Variants in TNRC6B observed in about 807,000 individuals in gnomAD.
The protein encoded by TNRC6B is trinucleotide repeat containing adaptor 6B, also known as trinucleotide repeat-containing gene 6B protein.
A neutral mutation model predicts 203.6 loss-of-function variants in TNRC6B; 52 were observed. The ratio of observed to expected loss-of-function variants is 0.26; its 90% CI spans 0.20 to 0.32. The LOEUF (loss-of-function observed/expected upper bound fraction) is 0.32, where lower values mean the gene tolerates loss of function less well. Ranked by LOEUF, TNRC6B falls within the 10% of genes least tolerant of loss-of-function variation. The probability of loss-of-function intolerance (pLI) is 1.00; values close to 1 mark genes in which losing one functional copy is unlikely to be tolerated. For missense variants in TNRC6B, 1,923 were observed against 2,286.2 expected, an observed-to-expected ratio of 0.84 and a Z score of 3.24; for synonymous variants, 838 against 845.7, an observed-to-expected ratio of 0.99 and a Z score of 0.16.
chr22:40,124,551 A>G, intron 2 of TNRC6B, among the ~76,000 whole-genome samples: 1 of 152,054 alleles, frequency 6.6e-6, no homozygotes, highest in East Asian at 1.9e-4. Flanking sequence ...GCGTTAGCTC[A>G]AGCCATCCAC....
chr22:40,264,855 G>C lies in TNRC6B; in HGVS notation c.625G>C (p.Glu209Gln), dbSNP rs759343883. ...GCCTTGTATTGCCAGCAAAGACACT[G>C]AATCTTCTTCCGAAAACACCACCGA... The part of the protein sequence containing the change: ...EWPCIASKDT[E>Q]SSSENTTDNN... The change falls in exon 5 of 23, where the codon GAA becomes CAA. Residue 209 changes from glutamate (E) to glutamine (Q), a missense_variant. Physicochemically the swap from Glu to Gln is conservative, Grantham distance 29. Around this residue, in one of 8 missense-constraint regions of TNRC6B, gnomAD observed 614 missense variants for 587.7 expected, o/e 1.04. Transcript: ENST00000454349. The C allele has an allele frequency of 1.2e-6, 2 of 1,613,900 alleles. No individual in the cohort carries two copies. The highest frequency in any genetic ancestry group is 8.5e-7 in the Non-Finnish European group (1 of 1,179,880).
chr22:40,186,465 C>T (rs2069204494), intron 1 of TNRC6B, among the ~76,000 whole-genome samples: 1 of 151,850 alleles, frequency 6.6e-6, no homozygotes, highest in Admixed American at 6.6e-5. Flanking sequence ...ACAGTCCAGG[C>T]ACGGTGGCTC....
intron 1 of TNRC6B, among the ~76,000 whole-genome samples, chr22:40,115,150 G>C (rs899233429): frequency 6.6e-6 from 1 of 152,128 alleles, no homozygotes; most frequent in African/African-American, 2.4e-5. Flanking sequence ...AAGCAGGCTA[G>C]GGACTGAGTG....
At chr22:40,045,020 C>T (rs1003346928) in intron 1 of TNRC6B, 1 of 148,906 alleles carries the variant, frequency 6.7e-6, no homozygotes, top group Non-Finnish European at 1.5e-5. Context: ...GCGGCGGCCG[C>T]GCCGTCCTTC....
At chr22:40,147,596 C>A (rs946500554) in intron 3 of TNRC6B, among the ~76,000 whole-genome samples, 1 of 152,268 alleles carries the variant, frequency 6.6e-6, no homozygotes, top group East Asian at 1.9e-4. Flanking sequence ...GGGCAAAAAG[C>A]GACAGTGCGT....
exon 3 of TNRC6B, chr22:40,125,795 A>C: frequency 6.2e-6 from 10 of 1,606,754 alleles, no homozygotes; most frequent in Non-Finnish European, 7.6e-6. Flanking sequence ...GTTTCTGCAG[A>C]GTTTTGCACA....
intron 3 of TNRC6B, among the ~76,000 whole-genome samples, chr22:40,142,534 T>C (rs1388851365): frequency 6.6e-6 from 1 of 152,224 alleles, no homozygotes; most frequent in African/African-American, 2.4e-5. Context: ...GTGTTCCGTG[T>C]AGCAGAAAGG....
At chr22:40,181,948 G>GAA (rs397809536) in intron 1 of TNRC6B, among the ~76,000 whole-genome samples, 75 of 141,954 alleles carry the variant, frequency 5.3e-4, no homozygotes, top group East Asian at 2.4e-3. Context: ...TGTCTCGAGA[G>GAA]AAAAAAAAAA....
chr22:40,100,633 G>A (rs1026509673), intron 1 of TNRC6B, among the ~76,000 whole-genome samples: 4 of 152,138 alleles, frequency 2.6e-5, no homozygotes, highest in African/African-American at 9.7e-5. Flanking sequence ...CGATTCTCCC[G>A]CCTTGGCCTC....
At chr22:40,064,752 G>A (rs2067881551) in intron 1 of TNRC6B, among the ~76,000 whole-genome samples, 1 of 151,956 alleles carries the variant, frequency 6.6e-6, no homozygotes, top group Admixed American at 6.5e-5. Context: ...GAGTAGCTGG[G>A]ATTATAGGCA....
At chr22:40,258,809 C>G (rs1373346338) in intron 3 of TNRC6B, among the ~76,000 whole-genome samples, 4 of 152,186 alleles carry the variant, frequency 2.6e-5, no homozygotes. Context: ...TACGTGATAC[C>G]TACCAAATTT....
Position 40,184,298 on chromosome 22 carries a change from TGGG to T in TNRC6B, c.5+6162_5+6164del, listed in dbSNP as rs2069174290. 3.3e-5 allele frequency among the ~76,000 whole-genome samples: 5 copies of T among 151,956 alleles called. No homozygotes were observed. The South Asian group carries it at 8.3e-4, about 25-fold the overall frequency. ...AGGGGCTGGCTGGTGCTCAGGGTGT[TGGG>T]GGGTTAAAAAGGGTGGACACCTAGA... is the stretch of plus-strand genomic sequence containing the variant. On this transcript the variant is annotated intron_variant, in intron 1 of 22. Coordinates refer to ENST00000454349, the MANE Select transcript of TNRC6B (RefSeq NM_001162501.2).
At chr22:40,126,737 C>T (rs1347944102) in intron 3 of TNRC6B, among the ~76,000 whole-genome samples, 1 of 151,162 alleles carries the variant, frequency 6.6e-6, no homozygotes, top group Non-Finnish European at 1.5e-5. Flanking sequence ...ACTACAGGTG[C>T]ACACCACCAA....
At chr22:40,311,028 T>A (rs2071172128) in intron 17 of TNRC6B, 35 bp downstream of exon 17, 1 of 1,578,680 alleles carries the variant, frequency 6.3e-7, no homozygotes. Flanking sequence ...CAGGATAGCA[T>A]TTGTTTTGTA....
At chr22:40,307,810 C>T (rs1313854052) in intron 15 of TNRC6B, among the ~76,000 whole-genome samples, 1 of 152,116 alleles carries the variant, frequency 6.6e-6, no homozygotes, top group Admixed American at 6.5e-5. Flanking sequence ...AATTCTCTTC[C>T]TAAAATACAT....
At chr22:40,105,472 T>C (rs1441634211) in intron 1 of TNRC6B, among the ~76,000 whole-genome samples, 1 of 152,154 alleles carries the variant, frequency 6.6e-6, no homozygotes, top group Admixed American at 6.5e-5. Flanking sequence ...CTCTTTTGAT[T>C]TCTTTATTTT....
chr22:40,084,937 C>T (rs1163081333), intron 1 of TNRC6B, among the ~76,000 whole-genome samples: 1 of 152,166 alleles, frequency 6.6e-6, no homozygotes, highest in Non-Finnish European at 1.5e-5. Flanking sequence ...TTTGTGTAGT[C>T]CCCTCTCCTG....
chr22:40,216,937 C>T (rs141904522), intron 1 of TNRC6B, among the ~76,000 whole-genome samples: 6 of 152,256 alleles, frequency 3.9e-5, no homozygotes, highest in Non-Finnish European at 7.4e-5. Context: ...GCCATCAGTC[C>T]CAAATTGGAG....
chr22:40,047,452 A>G (rs1414952141), intron 1 of TNRC6B, among the ~76,000 whole-genome samples: 1 of 151,996 alleles, frequency 6.6e-6, no homozygotes, highest in Non-Finnish European at 1.5e-5. Flanking sequence ...AAATACAAAA[A>G]ATTAGCCGGG....
Sources: gnomAD v4.1 joint callset for allele counts (sites outside exome capture counted in the v4.1 genomes callset) on GRCh38, gnomAD v4.1.1 for gene constraint, gnomAD v4.1.1 regional missense constraint, MANE v1.5 for transcripts, NCBI Gene and HGNC (gene_info 2026-07-23, HGNC 2026-07-21) for gene names.